LRRC45: variants seen among roughly 807,000 people sequenced by gnomAD.
LRRC45 encodes leucine rich repeat containing 45.
In LRRC45, 73 loss-of-function variants were observed where a neutral mutation model predicts 85.4. That is an observed-to-expected ratio of 0.85 (90% CI 0.71 to 1.04). LRRC45 has a LOEUF of 1.04. Among genes scored for constraint, LRRC45 ranks in the 50% least tolerant of loss-of-function variants. The pLI is 0.00. For missense variants in LRRC45, 937 were observed against 883.3 expected, an observed-to-expected ratio of 1.06 and a Z score of -0.77; for synonymous variants, 429 against 386.0, an observed-to-expected ratio of 1.11 and a Z score of -1.31.
chr17:82,025,080 C>T lies in LRRC45; in HGVS notation c.434C>T (p.Ala145Val). The T allele has an allele frequency of 1.2e-6, 2 of 1,610,336 alleles. No homozygotes were observed. The highest frequency in any genetic ancestry group is 2.2e-5 in the East Asian group (1 of 44,774). Residue 145 changes from alanine to valine, a missense_variant, in exon 4 of 17, where the codon GCC becomes GTC. Transcript: ENST00000306688. The part of the protein sequence containing the change: ...TFCGGLAANG[A>V]LQRLDLRNNQ... ...TGCGGGGGCCTGGCGGCCAACGGCG[C>T]CCTGCAGCGGCTGGACCTCCGCAAC...
chr17:82,028,350 C>T (rs2043386915), intron 10 of LRRC45, 39 bp downstream of exon 10: 7 of 1,605,862 alleles, frequency 4.4e-6, no homozygotes, highest in Admixed American at 1.7e-5. Context: ...CCAGGGTGGG[C>T]GCGGCAGGGC....
chr17:82,026,799 C>T (rs1002809921), intron 5 of LRRC45, 100 bp from the exon 6 acceptor site: 12 of 878,856 alleles, frequency 1.4e-5, no homozygotes, highest in Middle Eastern at 4.6e-4. Flanking sequence ...AGGCTGGTCT[C>T]GAACCCCTGA....
In LRRC45 at chr17:82,030,715, C is replaced by G. The variant is rs771074173; in HGVS notation, c.1923C>G (p.Asp641Glu). Residue 641 changes from aspartate to glutamate, a missense_variant, in exon 17 of 17, where the codon GAC becomes GAG. Transcript: ENST00000306688. Reference protein sequence around the residue: ...LREAEIARIRDEEAQRASFLQ... With the variant: ...LREAEIARIREEEAQRASFLQ... Reference sequence around the variant, plus strand: ...AGGCGGAGATCGCCCGCATCCGGGACGAGGAGGCCCAGAGGGCGAGCTTCC... The same window carrying G: ...AGGCGGAGATCGCCCGCATCCGGGAGGAGGAGGCCCAGAGGGCGAGCTTCC... The G allele has an allele frequency of 4.7e-6, 7 of 1,497,358 alleles. No homozygotes were observed. The South Asian group carries it at 7.8e-5, about 17-fold the overall frequency. 92.8% of individuals were successfully genotyped at this position (1,497,358 alleles called of 1,614,324 possible).
At chr17:82,028,773 C>T (rs538420038) in intron 12 of LRRC45, 90 bp downstream of exon 12, 3 of 1,368,326 alleles carry the variant, frequency 2.2e-6, no homozygotes, top group South Asian at 2.7e-5. Flanking sequence ...TGGGAGCTTC[C>T]CTTGCCAACC....
chr17:82,029,247 C>A, intron 13 of LRRC45, 62 bp downstream of exon 13: 1 of 1,500,090 alleles, frequency 6.7e-7, no homozygotes, highest in Non-Finnish European at 9.0e-7. Flanking sequence ...AGGCAGGGGC[C>A]CCTGGTGTTC....
chr17:82,027,722 G>T lies in LRRC45; in HGVS notation c.882G>T (p.Arg294Ser), dbSNP rs750899130. 8.7e-6 allele frequency: 14 copies of T among 1,611,052 alleles called. No homozygotes were observed. Among genetic ancestry groups the T allele is most frequent in the Non-Finnish European group, 1.2e-5 (14 of 1,179,294 alleles). The change falls in exon 8 of 17, where the codon AGG (arginine) becomes AGT (serine). Residue 294 changes from arginine to serine, a missense_variant. By Grantham distance (110) the Arg-to-Ser change is moderately radical. Transcript: ENST00000306688. ...VGQLQEALNE[R>S]HSIINALKAK... The stretch of plus-strand genomic sequence containing the variant: ...AGCTTCAGGAAGCCCTGAATGAGAG[G>T]CACTCCATCATCAACGCTCTCAAGG...
intron 5 of LRRC45, 35 bp downstream of exon 5, chr17:82,025,542 C>G (rs751405012): frequency 2.4e-5 from 36 of 1,498,834 alleles, no homozygotes; most frequent in Non-Finnish European, 3.1e-5. Context: ...GACGCGTGAG[C>G]CTTTGACAGA....
chr17:82,029,041 G>C (rs1458199265), intron 12 of LRRC45, 52 bp from the exon 13 acceptor site: 1 of 1,532,958 alleles, frequency 6.5e-7, no homozygotes, highest in Non-Finnish European at 8.9e-7. Context: ...GTGAGGAGAA[G>C]GTAGGGAGGC....
At chr17:82,027,541 G>A (rs940177250) in intron 7 of LRRC45, 97 bp downstream of exon 7, 36 of 1,570,346 alleles carry the variant, frequency 2.3e-5, no homozygotes, top group Non-Finnish European at 2.9e-5. Context: ...GTGAGGCCAC[G>A]AGGAGGTCGC....
rs926157907 is a variant in LRRC45, at chr17:82,030,004, ATT to A, written c.1495-60_1495-59del. Reference sequence around the variant, plus strand: ...GAGGTGGGGTCGTGCCCGTGCAGACATTCCCTCAGCTGAGCTCAGGCTGAGCC... The same window carrying A: ...GAGGTGGGGTCGTGCCCGTGCAGACACCCTCAGCTGAGCTCAGGCTGAGCC... On this transcript the variant is annotated intron_variant, in intron 14 of 16. Transcript: ENST00000306688. The A allele has an allele frequency of 2.0e-5, 29 of 1,467,828 alleles. No homozygotes were observed. In the African/African-American group the frequency reaches 3.8e-4, roughly 19 times the overall value. 90.9% of individuals were successfully genotyped at this position (1,467,828 alleles called of 1,614,324 possible).
At chr17:82,028,740 G>A (rs1201448736) in intron 12 of LRRC45, 57 bp downstream of exon 12, 4 of 1,548,380 alleles carry the variant, frequency 2.6e-6, no homozygotes, top group Admixed American at 1.9e-5. Context: ...TGTCACGCAG[G>A]TGTCCCCAAA....
At chr17:82,028,795 G>A in intron 12 of LRRC45, 112 bp downstream of exon 12, 1 of 1,245,004 alleles carries the variant, frequency 8.0e-7, no homozygotes, top group East Asian at 2.5e-5. Flanking sequence ...TGGGTCACTG[G>A]GTGGCCGTAT....
intron 9 of LRRC45, 34 bp from the exon 10 acceptor site, chr17:82,028,200 G>T: frequency 6.4e-7 from 1 of 1,561,618 alleles, no homozygotes; most frequent in South Asian, 1.2e-5. Flanking sequence ...GCGGCTTCGT[G>T]ACCCTCACTA....
At chr17:82,027,950 G>A (rs780981618) in intron 8 of LRRC45, 61 bp from the exon 9 acceptor site, 47 of 1,549,712 alleles carry the variant, frequency 3.0e-5, no homozygotes, top group Non-Finnish European at 3.8e-5. Context: ...AAAGCAGCGA[G>A]GCCTTTATAA....
chr17:82,027,826 C>A, intron 8 of LRRC45, 75 bp downstream of exon 8: 1 of 1,557,016 alleles, frequency 6.4e-7, no homozygotes, highest in Non-Finnish European at 8.8e-7. Context: ...AACCTGTGTG[C>A]AAGTCCTGTT....
At chr17:82,027,627 C>T (rs373259235) in intron 7 of LRRC45, 47 bp from the exon 8 acceptor site, 83 of 1,584,126 alleles carry the variant, frequency 5.2e-5, no homozygotes, top group Non-Finnish European at 6.5e-5. Context: ...GGTATGGGAG[C>T]GCTCTGGGGT....
rs746636310 is a variant in LRRC45 at position 82,025,027 on chromosome 17, C to T, written c.381C>T (p.Gly127=). The T allele has an allele frequency of 4.4e-6, 7 of 1,600,136 alleles. No individual in the cohort carries two copies. The highest frequency in any genetic ancestry group is 6.0e-6 in the Non-Finnish European group (7 of 1,173,826). The stretch of plus-strand genomic sequence containing the variant: ...TCACGCTGGAGTGGAACAGCCTGGG[C>T]ACGTGGGACGATGCCTTCGCCACCT... ...QSLTLEWNSL[G]TWDDAFATFC... Residue 127 remains glycine (G), a synonymous_variant, in exon 4 of 17, where the codon GGC becomes GGT. Coordinates refer to ENST00000306688, the MANE Select transcript of LRRC45 (RefSeq NM_144999.4).
chr17:82,026,993 G>C lies in LRRC45; in HGVS notation c.756G>C (p.Arg252=). 1.2e-6 allele frequency: 2 copies of C among 1,602,008 alleles called. No individual in the cohort carries two copies. Among genetic ancestry groups the C allele is most frequent in the Non-Finnish European group, 1.7e-6 (2 of 1,176,970 alleles). The change falls in exon 6 of 17, where the codon CGG becomes CGC. Residue 252 remains arginine (R), a synonymous_variant. Coordinates refer to ENST00000306688, the MANE Select transcript of LRRC45 (RefSeq NM_144999.4). The part of the protein sequence containing the change: ...HVLSKEVQHL[R]EEKSKQFLDL... ...TCAGCAAGGAGGTCCAGCACCTCCG[G>C]GAGGAGAAGTCCAAGCAGGTGAGGA...
In LRRC45 at chr17:82,026,640, C is replaced by T. The variant is rs555536759; in HGVS notation, c.662-259C>T. On this transcript the variant is annotated intron_variant, in intron 5 of 16. Coordinates refer to ENST00000306688, the MANE Select transcript of LRRC45 (RefSeq NM_144999.4). ...AGTCACCCAGGCTGGAGTGCAGTGG[C>T]GCAATCTCGGCTCACTGCAACCTCC... Among the ~76,000 whole-genome samples, 3 of 151,428 alleles carry T rather than the reference C, an allele frequency of 2.0e-5. No homozygotes were observed. The South Asian group carries it at 6.2e-4, about 31-fold the overall frequency.
Sources: allele counts gnomAD v4.1 joint callset (sites outside exome capture counted in the v4.1 genomes callset), GRCh38; gene constraint gnomAD v4.1.1; transcripts MANE v1.5; gene names NCBI Gene and HGNC (gene_info 2026-07-23, HGNC 2026-07-21).